CNTN4: variants seen among roughly 807,000 people sequenced by gnomAD.
CNTN4 encodes the protein contactin-4.
CNTN4 carries 77 observed loss-of-function variants against 122.5 expected under a neutral mutation model. The observed-to-expected ratio is 0.63, with a 90% CI of 0.52 to 0.76. CNTN4 has a LOEUF of 0.76. Ranked by LOEUF, CNTN4 falls within the 30% of genes least tolerant of loss-of-function variation. The pLI, the probability that CNTN4 is intolerant of heterozygous loss-of-function variation, is 0.00. For synonymous variants in CNTN4, 512 were observed against 447.0 expected (o/e 1.15, Z -1.83); for missense variants, 1,256 against 1,259.1 (o/e 1.00, Z 0.04).
intron 3 of CNTN4, among the ~76,000 whole-genome samples, chr3:2,448,996 T>C (rs1015485985): frequency 6.6e-6 from 1 of 152,184 alleles, no homozygotes; most frequent in Admixed American, 6.5e-5. Flanking sequence ...AACTTTTTTT[T>C]ATTATTACAC....
chr3:2,825,210 T>A (rs1404641636), intron 7 of CNTN4, among the ~76,000 whole-genome samples: 31 of 151,932 alleles, frequency 2.0e-4, no homozygotes, highest in Non-Finnish European at 1.5e-5. Flanking sequence ...TGAGGCCGTC[T>A]CTAAAAAATA....
chr3:2,253,851 T>A (rs1260123246), intron 2 of CNTN4, among the ~76,000 whole-genome samples: 2 of 146,924 alleles, frequency 1.4e-5, no homozygotes, highest in Non-Finnish European at 3.0e-5. Flanking sequence ...TCTGCATAGT[T>A]GATATGTGTC....
At chr3:2,527,615 CCTT>C (rs2149205339) in intron 3 of CNTN4, among the ~76,000 whole-genome samples, 1 of 152,270 alleles carries the variant, frequency 6.6e-6, no homozygotes, top group South Asian at 2.1e-4. Context: ...CCGTAAAGCA[CCTT>C]CTTTACATAA....
chr3:2,119,715 T>A (rs1441076712), intron 2 of CNTN4, among the ~76,000 whole-genome samples: 1 of 152,182 alleles, frequency 6.6e-6, no homozygotes, highest in Non-Finnish European at 1.5e-5. Context: ...TCCACTTCAT[T>A]TTTCCATTTA....
chr3:2,565,977 G>A (rs2079141693), intron 3 of CNTN4, among the ~76,000 whole-genome samples: 1 of 152,174 alleles, frequency 6.6e-6, no homozygotes, highest in African/African-American at 2.4e-5. Flanking sequence ...CACTTAGGAG[G>A]AAAGAAACTT....
intron 3 of CNTN4, among the ~76,000 whole-genome samples, chr3:2,397,400 A>G (rs2046679518): frequency 6.6e-6 from 1 of 151,938 alleles, no homozygotes; most frequent in Admixed American, 6.6e-5. Flanking sequence ...ATGTAATGTC[A>G]TGTTATTTTA....
chr3:2,122,470 C>T (rs1205916306), intron 2 of CNTN4, among the ~76,000 whole-genome samples: 1 of 152,096 alleles, frequency 6.6e-6, no homozygotes, highest in East Asian at 1.9e-4. Context: ...CTAACTCTTC[C>T]CTGCGAAGAG....
chr3:2,300,981 A>G (rs1004740349), intron 2 of CNTN4, among the ~76,000 whole-genome samples: 1 of 152,160 alleles, frequency 6.6e-6, no homozygotes, highest in Admixed American at 6.5e-5. Flanking sequence ...GCAGGAAGTG[A>G]CAGCTTAGTA....
At chr3:2,731,220 CTG>C (rs2088655974) in intron 4 of CNTN4, among the ~76,000 whole-genome samples, 1 of 152,050 alleles carries the variant, frequency 6.6e-6, no homozygotes, top group Admixed American at 6.6e-5. Context: ...GTCATGAAAT[CTG>C]TGCTTTTTTC....
At chr3:3,044,632 T>C (rs1700457152) in intron 23 of CNTN4, among the ~76,000 whole-genome samples, 1 of 152,208 alleles carries the variant, frequency 6.6e-6, no homozygotes, top group South Asian at 2.1e-4. Context: ...ACGTGGGCAG[T>C]TCCAAGATGG....
chr3:2,283,193 CAG>C (rs1025998822), intron 2 of CNTN4, among the ~76,000 whole-genome samples: 25 of 152,046 alleles, frequency 1.6e-4, no homozygotes, highest in South Asian at 6.2e-4. Flanking sequence ...TTATAATAAA[CAG>C]AGAGTACAAA....
chr3:2,667,583 C>T (rs1486786808), intron 4 of CNTN4, among the ~76,000 whole-genome samples: 2 of 151,788 alleles, frequency 1.3e-5, no homozygotes, highest in South Asian at 2.1e-4. Context: ...TGTGCAGAAG[C>T]TCTTTAGTTT....
intron 12 of CNTN4, 76 bp from the exon 13 acceptor site, chr3:2,925,553 A>G (rs1027973923): frequency 1.3e-6 from 2 of 1,492,114 alleles, no homozygotes; most frequent in African/African-American, 2.8e-5. Flanking sequence ...TCAAAAAAGA[A>G]AGAAAGAAAA....
chr3:2,789,730 C>T (rs548358104), intron 6 of CNTN4, among the ~76,000 whole-genome samples: 98 of 152,262 alleles, frequency 6.4e-4, no homozygotes, highest in Middle Eastern at 6.8e-3. Context: ...TGTGCCTGGC[C>T]TCGGATTTAT....
rs144185540 is a variant in CNTN4, at chr3:2,534,247, T to G, written c.-88-37169T>G. Reference sequence around the variant, plus strand: ...GGTTTTTATGGTTTTAGGTCTAACATGTAAGTCTTCAATCCATCTTGAATT... The same window carrying G: ...GGTTTTTATGGTTTTAGGTCTAACAGGTAAGTCTTCAATCCATCTTGAATT... On this transcript the variant is annotated intron_variant, in intron 3 of 24. Coordinates refer to ENST00000418658, the MANE Select transcript of CNTN4 (RefSeq NM_175607.3). 1.2e-3 allele frequency among the ~76,000 whole-genome samples: 188 copies of G among 152,312 alleles called. 1 individual carries two copies. The highest frequency in any genetic ancestry group is 4.2e-3 in the African/African-American group (174 of 41,576).
intron 2 of CNTN4, among the ~76,000 whole-genome samples, chr3:2,187,745 C>T (rs1053562627): frequency 3.3e-5 from 5 of 152,094 alleles, no homozygotes; most frequent in Non-Finnish European, 5.9e-5. Context: ...CACCTTATGC[C>T]GCTAGCCTTG....
intron 14 of CNTN4, among the ~76,000 whole-genome samples, chr3:3,013,932 T>TTATATTG (rs1180563696): frequency 6.6e-6 from 1 of 152,124 alleles, no homozygotes; most frequent in African/African-American, 2.4e-5. Flanking sequence ...GCTTGGGTCT[T>TTATATTG]GCCTCACTAT....
In CNTN4 at chr3:2,445,021, C is replaced by A. The variant is rs538783562; in HGVS notation, c.-89+105788C>A. Among the ~76,000 whole-genome samples the A allele has an allele frequency of 3.5e-3, 504 of 145,132 alleles. 2 individuals carry two copies. The highest frequency in any genetic ancestry group is 0.012 in the African/African-American group (436 of 35,874). ...ATGTAAAAAAAAAAAAAATCTATCT[C>A]TCTATCTATCTATCTATCTATCTGA... On this transcript the variant is annotated intron_variant, in intron 3 of 24. Coordinates refer to ENST00000418658, the MANE Select transcript of CNTN4 (RefSeq NM_175607.3).
intron 2 of CNTN4, among the ~76,000 whole-genome samples, chr3:2,287,406 A>C (rs1260695454): frequency 6.6e-6 from 1 of 151,986 alleles, no homozygotes; most frequent in East Asian, 1.9e-4. Context: ...GTTCCAGACC[A>C]GCCTAGGCAA....
Sources: gnomAD v4.1 joint callset for allele counts (sites outside exome capture counted in the v4.1 genomes callset) on GRCh38, gnomAD v4.1.1 for gene constraint, MANE v1.5 for transcripts, NCBI Gene and HGNC (gene_info 2026-07-23, HGNC 2026-07-21) for gene names.